Variants in WDR41 observed in about 807,000 individuals in gnomAD.
WDR41 encodes WD repeat domain 41, also known as WD repeat-containing protein 41.
Under a neutral mutation model 69.3 loss-of-function variants are expected in WDR41, and 63 were observed. The observed-to-expected ratio is 0.91, with a 90% confidence interval of 0.74 to 1.12. The LOEUF (loss-of-function observed/expected upper bound fraction) is 1.12. Ranked by LOEUF, WDR41 falls within the 50% of genes most tolerant of loss-of-function variation. The pLI is 0.00. For missense variants in WDR41, 543 were observed against 534.5 expected, an observed-to-expected ratio of 1.02 and a Z score of -0.16; for synonymous variants, 185 against 192.1, an observed-to-expected ratio of 0.96 and a Z score of 0.31.
At chr5:77,564,242 T>C (rs1743575549) in intron 1 of WDR41, among the ~76,000 whole-genome samples, 1 of 152,126 alleles carries the variant, frequency 6.6e-6, no homozygotes, top group South Asian at 2.1e-4. Context: ...GAATAACTGA[T>C]AGAAAGGTTA....
chr5:77,613,492 A>G (rs1337335348), intron 1 of WDR41, among the ~76,000 whole-genome samples: 3 of 151,962 alleles, frequency 2.0e-5, no homozygotes, highest in Admixed American at 1.3e-4. Flanking sequence ...ATAACGCCGC[A>G]TATCTACAAC....
intron 1 of WDR41, among the ~76,000 whole-genome samples, chr5:77,517,050 T>G (rs569070530): frequency 2.0e-4 from 30 of 146,370 alleles, no homozygotes; most frequent in African/African-American, 5.5e-4. Context: ...AAAGAAAAAA[T>G]AAAATAAAAG....
At chr5:77,459,172 AATT>A (rs1343590268) in intron 4 of WDR41, 48 bp from the exon 5 acceptor site, 2 of 1,357,470 alleles carry the variant, frequency 1.5e-6, no homozygotes, top group African/African-American at 2.9e-5. Context: ...TTAAAATCTT[AATT>A]ATAACTTTTC....
chr5:77,468,733 A>G (rs1249076814), intron 2 of WDR41, among the ~76,000 whole-genome samples: 2 of 152,172 alleles, frequency 1.3e-5, no homozygotes, highest in African/African-American at 4.8e-5. Context: ...CGACATTATT[A>G]TGGCAGTACA....
intron 10 of WDR41, 37 bp from the exon 11 acceptor site, chr5:77,437,461 C>T: frequency 6.4e-7 from 1 of 1,561,104 alleles, no homozygotes; most frequent in Non-Finnish European, 8.8e-7. Flanking sequence ...AAAAAGAGCG[C>T]ACCACTGAGG....
At position 77,451,282 on chromosome 5, in the gene WDR41, C is replaced by A; in HGVS notation, c.586+9G>T. 6.2e-7 allele frequency: 1 copy of A among 1,613,122 alleles called. No individual in the cohort carries two copies. The highest frequency in any genetic ancestry group is 2.2e-5 in the East Asian group (1 of 44,840). On this transcript the variant is annotated intron_variant, in intron 7 of 12. Coordinates refer to ENST00000296679, the MANE Select transcript of WDR41 (RefSeq NM_018268.4). ...CAAAATACACAAAAAGAAAAAAATTCATACTCACTCAGTTCTTTGCCAACT... is the reference window on the plus strand; with the variant it reads ...CAAAATACACAAAAAGAAAAAAATTAATACTCACTCAGTTCTTTGCCAACT...
intron 1 of WDR41, among the ~76,000 whole-genome samples, chr5:77,519,971 GA>G (rs571824944): frequency 2.6e-5 from 4 of 151,812 alleles, no homozygotes; most frequent in Non-Finnish European, 5.9e-5. Flanking sequence ...GTAAGTAAAA[GA>G]AAAACACCTA....
rs1262037445 is a variant in WDR41 at position 77,431,213 on chromosome 5, A to G, written c.*1922T>C. On this transcript the variant is annotated 3_prime_UTR_variant, in exon 13 of 13. Coordinates refer to ENST00000296679, the MANE Select transcript of WDR41 (RefSeq NM_018268.4). ...AGATCTCATTTGTGAAAGGAAGTCA[A>G]TTGATTTGGAAAACTTCATCGCTAT... 6.6e-6 allele frequency: 1 copy of G among 152,214 alleles called. No individual in the cohort carries two copies. Among genetic ancestry groups the G allele is most frequent in the African/African-American group, 2.4e-5 (1 of 41,430 alleles). 9.4% of individuals were successfully genotyped at this position (152,214 alleles called of 1,614,324 possible).
intron 1 of WDR41, among the ~76,000 whole-genome samples, chr5:77,567,904 C>T (rs7715298): frequency 0.051 from 7,742 of 151,670 alleles, 330 homozygotes; most frequent in South Asian, 0.13. Context: ...TATGAAGGGT[C>T]CATGGACCAC....
intron 2 of WDR41, among the ~76,000 whole-genome samples, chr5:77,470,349 G>T (rs1197990678): frequency 6.6e-6 from 1 of 152,056 alleles, no homozygotes. Context: ...GACCATCGAG[G>T]CTAGGAAGAA....
intron 1 of WDR41, among the ~76,000 whole-genome samples, chr5:77,516,873 C>A (rs183447802): frequency 1.6e-4 from 24 of 151,894 alleles, no homozygotes; most frequent in African/African-American, 5.5e-4. Flanking sequence ...ACAAATTAGC[C>A]GGGTGTGGTA....
At chr5:77,473,527 A>T (rs1213641200) in intron 2 of WDR41, among the ~76,000 whole-genome samples, 1 of 152,044 alleles carries the variant, frequency 6.6e-6, no homozygotes, top group African/African-American at 2.4e-5. Flanking sequence ...ATGGGAGAAA[A>T]TTTTTGTAAT....
chr5:77,479,703 C>T (rs2112052411), intron 2 of WDR41, among the ~76,000 whole-genome samples: 1 of 152,228 alleles, frequency 6.6e-6, no homozygotes, highest in African/African-American at 2.4e-5. Flanking sequence ...AACGTTAGAC[C>T]TAAAACCATA....
chr5:77,464,832 G>GA (rs11433376), intron 2 of WDR41, 23 bp from the exon 3 acceptor site: 684,570 of 1,569,786 alleles, frequency 0.44, 141,281 homozygotes, highest in African/African-American at 0.49. Context: ...AAAGGGTCAA[G>GA]AAAAAAAAAT....
rs1271086652 is a variant in WDR41 at position 77,441,004 on chromosome 5, A to T, written c.698-7T>A. 6.2e-7 allele frequency: 1 copy of T among 1,613,200 alleles called. No individual in the cohort carries two copies. The highest frequency in any genetic ancestry group is 1.7e-5 in the Admixed American group (1 of 59,934). On this transcript the variant is annotated splice_region_variant and splice_polypyrimidine_tract_variant and intron_variant, in intron 8 of 12. Coordinates refer to ENST00000296679, the MANE Select transcript of WDR41 (RefSeq NM_018268.4). Reference sequence around the variant, plus strand: ...CCGGTGACAAAACTCAAATCTAGGCAAAGTTCACATATGCCTCATTATCGA... The same window carrying T: ...CCGGTGACAAAACTCAAATCTAGGCTAAGTTCACATATGCCTCATTATCGA...
chr5:77,435,566 GA>G (rs1325562954), intron 12 of WDR41, among the ~76,000 whole-genome samples: 4 of 152,078 alleles, frequency 2.6e-5, no homozygotes, highest in Non-Finnish European at 5.9e-5. Context: ...CAAATGAAAA[GA>G]AATTTTTTGT....
chr5:77,550,526 T>C (rs980991708), intron 1 of WDR41, among the ~76,000 whole-genome samples: 4 of 152,082 alleles, frequency 2.6e-5, no homozygotes, highest in African/African-American at 9.7e-5. Flanking sequence ...ATCAAATCCA[T>C]GATGAGATAC....
intron 9 of WDR41, among the ~76,000 whole-genome samples, chr5:77,440,420 A>G (rs1383296010): frequency 6.6e-6 from 1 of 152,212 alleles, no homozygotes; most frequent in Non-Finnish European, 1.5e-5. Flanking sequence ...TTGCCCCAAG[A>G]TGCCAGCAGA....
At chr5:77,607,367 G>A (rs144244576) in intron 1 of WDR41, among the ~76,000 whole-genome samples, 10 of 152,318 alleles carry the variant, frequency 6.6e-5, no homozygotes, top group African/African-American at 1.9e-4. Flanking sequence ...AGAAATTAAT[G>A]ACTATTTCCA....
Sources: allele counts gnomAD v4.1 joint callset (sites outside exome capture counted in the v4.1 genomes callset), GRCh38; gene constraint gnomAD v4.1.1; transcripts MANE v1.5; gene names NCBI Gene and HGNC (gene_info 2026-07-23, HGNC 2026-07-21).